The following PKD2L2 variants were observed in gnomAD, a reference collection of about 807,000 sequenced individuals.
PKD2L2 encodes polycystin-2-like protein 2.
Under a neutral mutation model 83.9 loss-of-function variants are expected in PKD2L2, and 67 were observed. The ratio of observed to expected loss-of-function variants is 0.80; its 90% CI spans 0.66 to 0.98. The LOEUF (loss-of-function observed/expected upper bound fraction) is 0.98. Ranked by LOEUF, PKD2L2 falls within the 50% of genes least tolerant of loss-of-function variation. The probability of loss-of-function intolerance (pLI) is 0.00; values close to 1 mark genes in which losing one functional copy is unlikely to be tolerated. For synonymous variants in PKD2L2, 223 were observed against 237.8 expected, an observed-to-expected ratio of 0.94 and a Z score of 0.57; for missense variants, 632 against 717.2, an observed-to-expected ratio of 0.88 and a Z score of 1.36.
chr5:137,896,703 C>T (rs369700231), intron 4 of PKD2L2, among the ~76,000 whole-genome samples: 20 of 152,138 alleles, frequency 1.3e-4, no homozygotes, highest in African/African-American at 4.3e-4. Flanking sequence ...TGAGCCACTG[C>T]GCCTGGCCTC....
intron 10 of PKD2L2, among the ~76,000 whole-genome samples, chr5:137,924,102 C>T (rs1759170603): frequency 6.6e-6 from 1 of 152,230 alleles, no homozygotes; most frequent in Admixed American, 6.5e-5. Flanking sequence ...CTAGATGAGG[C>T]TTTCAGTACT....
intron 8 of PKD2L2, among the ~76,000 whole-genome samples, chr5:137,910,068 A>G (rs1052204313): frequency 1.3e-5 from 2 of 151,908 alleles, no homozygotes; most frequent in African/African-American, 4.8e-5. Flanking sequence ...ACAAAAAAAC[A>G]AAAAACAACT....
intron 9 of PKD2L2, 72 bp from the exon 10 acceptor site, chr5:137,923,348 C>T: frequency 1.3e-6 from 1 of 794,212 alleles, no homozygotes; most frequent in Non-Finnish European, 2.1e-6. Context: ...TTTACAAACC[C>T]AAAACTTGTT....
rs1164771395 is a variant in PKD2L2, at chr5:137,894,251, G to GT, written c.268-99dup. 9 of 1,052,044 alleles carry GT rather than the reference G, an allele frequency of 8.6e-6. No homozygotes were observed. In the Admixed American group the frequency reaches 9.3e-5, roughly 11 times the overall value. The allele number at this position is 1,052,044 out of a possible 1,614,324, so 65.2% of individuals were successfully genotyped here. The stretch of plus-strand genomic sequence containing the variant: ...ACCATTAATGGTAGCTTGGTCAATA[G>GT]TTTGATTTTCATACTCAAAATCTCT... On this transcript the variant is annotated intron_variant, in intron 3 of 14. Coordinates refer to ENST00000508883, the MANE Select transcript of PKD2L2 (RefSeq NM_001300921.2).
Position 137,908,965 on chromosome 5 carries a change from T to C in PKD2L2, c.1328+19T>C. On this transcript the variant is annotated intron_variant, in intron 8 of 14. Coordinates refer to ENST00000508883, the MANE Select transcript of PKD2L2 (RefSeq NM_001300921.2). ...ATTCCATGTAAGCTCTTAGTATAAA[T>C]GTAATTATATCTTCTATATTTTCTT... 4 of 1,450,538 alleles carry C rather than the reference T, an allele frequency of 2.8e-6. No homozygotes were observed. Among genetic ancestry groups the C allele is most frequent in the Non-Finnish European group, 3.8e-6 (4 of 1,049,428 alleles). The allele number at this position is 1,450,538 out of a possible 1,614,324, so 89.9% of individuals were successfully genotyped here.
chr5:137,923,370 C>T, intron 9 of PKD2L2, 50 bp from the exon 10 acceptor site: 1 of 906,774 alleles, frequency 1.1e-6, no homozygotes, highest in Non-Finnish European at 1.8e-6. Flanking sequence ...AAGTCATTAA[C>T]ATTTAAACTA....
In PKD2L2 at chr5:137,892,556, G is replaced by T; in HGVS notation, c.210G>T (p.Val70=). 2 of 1,612,120 alleles carry T rather than the reference G, an allele frequency of 1.2e-6. No individual in the cohort carries two copies. Among genetic ancestry groups the T allele is most frequent in the Non-Finnish European group, 1.7e-6 (2 of 1,179,010 alleles). ...VMSSLFLDTS[V]PGEERTNFKS... ...CATCTCTATTTTTGGACACTTCTGT[G>T]CCTGGTGAAGAAAGAACCAACTTTA... The change falls in exon 3 of 15, where the codon GTG becomes GTT. Residue 70 remains valine (V), a synonymous_variant. Transcript: ENST00000508883.
intron 7 of PKD2L2, 38 bp from the exon 8 acceptor site, chr5:137,908,727 G>A (rs772375797): frequency 1.0e-6 from 1 of 968,648 alleles, no homozygotes; most frequent in South Asian, 1.7e-5. Context: ...TTTCATCTTT[G>A]ATATTCTCCT....
chr5:137,913,184 C>CTTTTTTTT (rs35984179), intron 8 of PKD2L2, among the ~76,000 whole-genome samples: 1 of 104,852 alleles, frequency 9.5e-6, no homozygotes, highest in African/African-American at 3.5e-5. Flanking sequence ...CTTCTTTTTT[C>CTTTTTTTT]TTTTTTTTTT....
chr5:137,924,002 T>C (rs1401453176), intron 10 of PKD2L2, among the ~76,000 whole-genome samples: 1 of 152,194 alleles, frequency 6.6e-6, no homozygotes, highest in Non-Finnish European at 1.5e-5. Context: ...TCCTTGTCCC[T>C]TATATAGTCT....
At position 137,899,716 on chromosome 5, in the gene PKD2L2, T is replaced by C; in HGVS notation, c.725T>C (p.Val242Ala). Residue 242 changes from valine to alanine, a missense_variant, in exon 5 of 15, where the codon GTA becomes GCA. Val to Ala is a moderately conservative substitution (Grantham distance 64, BLOSUM62 0). Transcript: ENST00000508883. Reference protein sequence around the residue: ...FIDFSLYNANVNLFCIIRLVA... With the variant: ...FIDFSLYNANANLFCIIRLVA... ...GATTTTTCCTTATATAATGCTAATG[T>C]AAATCTATTTTGTATTATCAGGTGA... 1 of 1,600,478 alleles carries C rather than the reference T, an allele frequency of 6.2e-7. No homozygotes were observed. Among genetic ancestry groups the C allele is most frequent in the Non-Finnish European group, 8.6e-7 (1 of 1,168,730 alleles).
chr5:137,913,614 C>T (rs1399268447), intron 8 of PKD2L2, among the ~76,000 whole-genome samples: 3 of 150,940 alleles, frequency 2.0e-5, no homozygotes, highest in African/African-American at 7.3e-5. Flanking sequence ...CCTCAGCCTC[C>T]AGAGTAGCTG....
intron 2 of PKD2L2, among the ~76,000 whole-genome samples, chr5:137,891,033 A>G (rs1208860810): frequency 6.6e-6 from 1 of 152,242 alleles, no homozygotes; most frequent in East Asian, 1.9e-4. Context: ...AGTTAAAAAA[A>G]TAGTTTGTGC....
At chr5:137,896,093 CT>C (rs1323587345) in intron 4 of PKD2L2, among the ~76,000 whole-genome samples, 1 of 151,616 alleles carries the variant, frequency 6.6e-6, no homozygotes, top group Non-Finnish European at 1.5e-5. Context: ...AGGAAAATCG[CT>C]TGAACCCAGG....
At chr5:137,932,128 G>A (rs1759926061) in intron 12 of PKD2L2, among the ~76,000 whole-genome samples, 1 of 152,036 alleles carries the variant, frequency 6.6e-6, no homozygotes. Flanking sequence ...GACACTTGAG[G>A]CGGGTGGATC....
In PKD2L2 at chr5:137,894,576, A is replaced by G; in HGVS notation, c.491A>G (p.Asp164Gly). ...GGCAAATATACTTCTGCAAATGAAG[A>G]CCTCTCTAATTTTGGCCTTCAAATT... ...CYGKYTSANE[D>G]LSNFGLQINT... Residue 164 changes from aspartate to glycine, a missense_variant, in exon 4 of 15, where the codon GAC (aspartate) becomes GGC (glycine). Around this residue, in one of 3 missense-constraint regions of PKD2L2, gnomAD observed 229 missense variants for 281.5 expected, o/e 0.81. Transcript: ENST00000508883. 1 of 1,612,362 alleles carries G rather than the reference A, an allele frequency of 6.2e-7. No homozygotes were observed. Among genetic ancestry groups the G allele is most frequent in the South Asian group, 1.1e-5 (1 of 91,006 alleles).
At chr5:137,922,348 T>C (rs1486511089) in intron 9 of PKD2L2, among the ~76,000 whole-genome samples, 1 of 152,184 alleles carries the variant, frequency 6.6e-6, no homozygotes, top group Admixed American at 6.5e-5. Flanking sequence ...AGAATATCCT[T>C]TCTACATTTG....
intron 5 of PKD2L2, among the ~76,000 whole-genome samples, chr5:137,904,451 C>A (rs577216710): frequency 6.6e-6 from 1 of 152,160 alleles, no homozygotes; most frequent in South Asian, 2.1e-4. Flanking sequence ...AAAAAGAATG[C>A]GATCATATCC....
At chr5:137,913,506 T>TG (rs1257358517) in intron 8 of PKD2L2, among the ~76,000 whole-genome samples, 5 of 150,514 alleles carry the variant, frequency 3.3e-5, no homozygotes, top group African/African-American at 4.9e-5. Context: ...TTTTTTTTTT[T>TG]GGGATGGAGT....
Sources: allele counts gnomAD v4.1 joint callset (sites outside exome capture counted in the v4.1 genomes callset), GRCh38; gene constraint gnomAD v4.1.1; regional missense constraint gnomAD v4.1.1; transcripts MANE v1.5; gene names NCBI Gene and HGNC (gene_info 2026-07-23, HGNC 2026-07-21).